Variants in UVRAG observed in about 807,000 individuals in gnomAD.
UVRAG encodes UV radiation resistance associated, also known as UV radiation resistance-associated gene protein.
UVRAG carries 19 observed loss-of-function variants against 78.0 expected under a neutral mutation model. The observed-to-expected ratio is 0.24, with a 90% confidence interval of 0.17 to 0.36. The LOEUF is 0.36. Ranked by LOEUF, UVRAG falls within the 10% of genes least tolerant of loss-of-function variation. The pLI, the probability that UVRAG is intolerant of heterozygous loss-of-function variation, is 1.00. For synonymous variants in UVRAG, 323 were observed against 324.6 expected (o/e 1.00, Z 0.05); for missense variants, 740 against 853.8 (o/e 0.87, Z 1.66).
chr11:75,984,783 A>T (rs1949464433), intron 8 of UVRAG, among the ~76,000 whole-genome samples: 1 of 152,226 alleles, frequency 6.6e-6, no homozygotes, highest in South Asian at 2.1e-4. Flanking sequence ...TTATGTTTGT[A>T]GAGTCATTCT....
intron 13 of UVRAG, among the ~76,000 whole-genome samples, chr11:76,076,568 T>G (rs2134401946): frequency 6.6e-6 from 1 of 152,294 alleles, no homozygotes; most frequent in Middle Eastern, 3.4e-3. Flanking sequence ...AGATGAGATT[T>G]GGGTGGGGAC....
intron 6 of UVRAG, among the ~76,000 whole-genome samples, chr11:75,929,981 T>C (rs953212562): frequency 6.6e-6 from 1 of 152,218 alleles, no homozygotes; most frequent in African/African-American, 2.4e-5. Flanking sequence ...AAGTATTCTG[T>C]GCCCTGGATA....
rs979519101 is a variant in UVRAG, at chr11:75,871,297, T to C, written c.271-8582T>C. ...GGCATATGCCCTTTTTTTTTTTTTT[T>C]TTTTTTGAGGCAGAGTCTCGCTCTT... is the stretch of plus-strand genomic sequence containing the variant. On this transcript the variant is annotated intron_variant, in intron 3 of 14. Coordinates refer to ENST00000356136, the MANE Select transcript of UVRAG (RefSeq NM_003369.4). 9.2e-4 allele frequency among the ~76,000 whole-genome samples: 138 copies of C among 149,604 alleles called. 1 individual carries two copies. Among genetic ancestry groups the C allele is most frequent in the Non-Finnish European group, 1.7e-3 (113 of 67,256 alleles).
intron 12 of UVRAG, among the ~76,000 whole-genome samples, chr11:76,062,946 A>C (rs1397915362): frequency 6.6e-6 from 1 of 152,204 alleles, no homozygotes; most frequent in Non-Finnish European, 1.5e-5. Context: ...CCTAGTACAA[A>C]GTAGTTATCA....
intron 7 of UVRAG, among the ~76,000 whole-genome samples, chr11:75,970,339 G>T (rs561797610): frequency 6.6e-6 from 1 of 152,302 alleles, no homozygotes; most frequent in Non-Finnish European, 1.5e-5. Flanking sequence ...AATGGGTCAG[G>T]AATTTCATTT....
At chr11:76,112,850 C>T (rs571883652) in intron 13 of UVRAG, among the ~76,000 whole-genome samples, 16 of 152,116 alleles carry the variant, frequency 1.1e-4, no homozygotes, top group African/African-American at 3.6e-4. Context: ...CCTCAGCCTC[C>T]TGAGTAGCTG....
chr11:76,126,680 C>T (rs900022801), intron 14 of UVRAG, among the ~76,000 whole-genome samples: 25 of 152,104 alleles, frequency 1.6e-4, no homozygotes, highest in Admixed American at 4.6e-4. Flanking sequence ...AAAAACATCA[C>T]CTAAATGTTT....
intron 7 of UVRAG, among the ~76,000 whole-genome samples, chr11:75,977,174 C>A (rs1418784918): frequency 3.9e-5 from 6 of 152,024 alleles, no homozygotes; most frequent in East Asian, 1.9e-4. Context: ...TGTAGTTGAG[C>A]GGTTTTGAGT....
intron 5 of UVRAG, among the ~76,000 whole-genome samples, chr11:75,889,976 AG>A (rs1220591090): frequency 6.6e-6 from 1 of 152,196 alleles, no homozygotes; most frequent in Non-Finnish European, 1.5e-5. Context: ...TAAAGGGAGT[AG>A]GGAGTAGGGG....
chr11:75,895,604 T>C (rs1197729977), intron 5 of UVRAG, among the ~76,000 whole-genome samples: 1 of 152,012 alleles, frequency 6.6e-6, no homozygotes, highest in Non-Finnish European at 1.5e-5. Flanking sequence ...AAAATGGTCT[T>C]TATTTGGCAT....
intron 8 of UVRAG, among the ~76,000 whole-genome samples, chr11:75,985,282 T>C (rs1443309852): frequency 5.3e-5 from 8 of 151,996 alleles, no homozygotes; most frequent in Admixed American, 5.2e-4. Context: ...TGAAGACTAA[T>C]GAAGTTAGTC....
intron 2 of UVRAG, 82 bp from the exon 3 acceptor site, chr11:75,861,664 T>TA (rs934849528): frequency 5.5e-5 from 54 of 989,146 alleles, no homozygotes; most frequent in African/African-American, 1.3e-4. Flanking sequence ...CAACATATGT[T>TA]AAAAAAATTA....
At chr11:76,120,831 G>A (rs1210870212) in intron 14 of UVRAG, among the ~76,000 whole-genome samples, 1 of 152,204 alleles carries the variant, frequency 6.6e-6, no homozygotes, top group Non-Finnish European at 1.5e-5. Flanking sequence ...GAATTTCCGA[G>A]AGCAGCCGTG....
At chr11:76,117,696 G>C (rs1280264822) in intron 14 of UVRAG, among the ~76,000 whole-genome samples, 5 of 152,154 alleles carry the variant, frequency 3.3e-5, no homozygotes, top group African/African-American at 1.2e-4. Flanking sequence ...CCCTACAGAG[G>C]CAGGCCCTTA....
intron 3 of UVRAG, among the ~76,000 whole-genome samples, chr11:75,878,642 C>G (rs962942786): frequency 6.6e-6 from 1 of 152,212 alleles, no homozygotes; most frequent in African/African-American, 2.4e-5. Flanking sequence ...GCGGATCACT[C>G]GCGGTTAGGA....
At chr11:75,849,060 C>T (rs1946095903) in intron 1 of UVRAG, among the ~76,000 whole-genome samples, 3 of 152,098 alleles carry the variant, frequency 2.0e-5, no homozygotes, top group Non-Finnish European at 1.5e-5. Context: ...TGCCTGTAGT[C>T]GCAGCTACTT....
intron 12 of UVRAG, among the ~76,000 whole-genome samples, chr11:76,037,166 T>G (rs1950549134): frequency 1.3e-5 from 2 of 151,908 alleles, no homozygotes; most frequent in Non-Finnish European, 2.9e-5. Flanking sequence ...AAAACAAAAG[T>G]TATAGACAAA....
intron 6 of UVRAG, among the ~76,000 whole-genome samples, chr11:75,918,901 A>T (rs1385831417): frequency 6.6e-6 from 1 of 152,184 alleles, no homozygotes; most frequent in African/African-American, 2.4e-5. Flanking sequence ...GTGAGCCTTC[A>T]GCTGTTGCTT....
intron 13 of UVRAG, among the ~76,000 whole-genome samples, chr11:76,081,363 G>A (rs186472168): frequency 1.8e-4 from 28 of 151,964 alleles, no homozygotes; most frequent in Middle Eastern, 6.8e-3. Context: ...CTGCCACCAC[G>A]CCCAACTAGT....
Sources: gnomAD v4.1 joint callset for allele counts (sites outside exome capture counted in the v4.1 genomes callset) on GRCh38, gnomAD v4.1.1 for gene constraint, MANE v1.5 for transcripts, NCBI Gene and HGNC (gene_info 2026-07-23, HGNC 2026-07-21) for gene names.